CNTN5: variants seen among roughly 807,000 people sequenced by gnomAD.
CNTN5 encodes the protein contactin 5.
In CNTN5, 77 loss-of-function variants were observed where a neutral mutation model predicts 129.1. The ratio of observed to expected loss-of-function variants is 0.60; its 90% CI spans 0.50 to 0.72. The LOEUF (loss-of-function observed/expected upper bound fraction) is 0.72. CNTN5 is among the 30% of genes least tolerant of loss of function. The probability of loss-of-function intolerance (pLI) is 0.00; values close to 1 mark genes in which losing one functional copy is unlikely to be tolerated. For missense variants in CNTN5, 1,478 were observed against 1,328.8 expected (o/e 1.11, Z -1.75); for synonymous variants, 509 against 465.6 (o/e 1.09, Z -1.20).
At chr11:99,729,361 T>C (rs895798487) in intron 3 of CNTN5, among the ~76,000 whole-genome samples, 7 of 152,158 alleles carry the variant, frequency 4.6e-5, no homozygotes, top group African/African-American at 1.4e-4. Context: ...GGTAAACTCA[T>C]GTCACGGGGG....
At chr11:99,974,779 A>G (rs905196107) in intron 8 of CNTN5, among the ~76,000 whole-genome samples, 2 of 152,234 alleles carry the variant, frequency 1.3e-5, no homozygotes, top group African/African-American at 4.8e-5. Flanking sequence ...CTTAATAATT[A>G]GTAGAGTCTA....
At chr11:99,299,101 C>T (rs1323464398) in intron 1 of CNTN5, among the ~76,000 whole-genome samples, 4 of 151,954 alleles carry the variant, frequency 2.6e-5, no homozygotes, top group African/African-American at 9.7e-5. Flanking sequence ...TTCACATTTT[C>T]GATAACAACA....
intron 3 of CNTN5, among the ~76,000 whole-genome samples, chr11:99,778,787 A>G (rs1945213124): frequency 6.6e-6 from 1 of 151,920 alleles, no homozygotes. Flanking sequence ...AGTGAGTTCA[A>G]AAACTATATC....
intron 13 of CNTN5, among the ~76,000 whole-genome samples, chr11:100,137,407 T>C (rs1477966685): frequency 6.6e-6 from 1 of 152,130 alleles, no homozygotes; most frequent in Non-Finnish European, 1.5e-5. Flanking sequence ...GAACACTAGC[T>C]ATGGGCCAGG....
At chr11:99,217,280 G>T (rs1356532377) in intron 1 of CNTN5, among the ~76,000 whole-genome samples, 1 of 150,978 alleles carries the variant, frequency 6.6e-6, no homozygotes, top group Admixed American at 6.6e-5. Flanking sequence ...TCTGTCTTAA[G>T]ACATTTATCA....
At chr11:99,964,950 A>T (rs1384870126) in intron 8 of CNTN5, among the ~76,000 whole-genome samples, 3 of 152,128 alleles carry the variant, frequency 2.0e-5, no homozygotes, top group Admixed American at 6.6e-5. Flanking sequence ...ATTTGCGTAG[A>T]GATGTTTACA....
intron 1 of CNTN5, among the ~76,000 whole-genome samples, chr11:99,035,614 A>G (rs938260867): frequency 8.7e-5 from 13 of 148,880 alleles, no homozygotes; most frequent in Non-Finnish European, 1.2e-4. Context: ...TTTGTTTTCC[A>G]TTTGCTTGGT....
chr11:99,065,534 G>T (rs1865065469), intron 1 of CNTN5, among the ~76,000 whole-genome samples: 1 of 152,066 alleles, frequency 6.6e-6, no homozygotes, highest in Admixed American at 6.6e-5. Flanking sequence ...TGCAATAAAA[G>T]GAAATGAATT....
chr11:99,570,943 T>C (rs1425470623), intron 3 of CNTN5, among the ~76,000 whole-genome samples: 2 of 151,918 alleles, frequency 1.3e-5, no homozygotes, highest in South Asian at 4.1e-4. Flanking sequence ...GAAAGACAAA[T>C]GTCAAAACCC....
At chr11:99,076,593 G>A (rs985678175) in intron 1 of CNTN5, among the ~76,000 whole-genome samples, 3 of 151,952 alleles carry the variant, frequency 2.0e-5, no homozygotes, top group Non-Finnish European at 4.4e-5. Flanking sequence ...AAGCACTGAA[G>A]CTTTTTAAAA....
intron 2 of CNTN5, among the ~76,000 whole-genome samples, chr11:99,415,471 C>T (rs1249080727): frequency 1.3e-5 from 2 of 152,128 alleles, no homozygotes; most frequent in African/African-American, 4.8e-5. Flanking sequence ...GGTCTTATAA[C>T]CTATACCAGG....
intron 13 of CNTN5, among the ~76,000 whole-genome samples, chr11:100,079,090 T>C (rs1944259694): frequency 6.6e-6 from 1 of 152,114 alleles, no homozygotes; most frequent in African/African-American, 2.4e-5. Flanking sequence ...ACTCATTCCC[T>C]ATCACGAGAA....
chr11:100,109,242 A>G (rs1945562836), intron 13 of CNTN5, among the ~76,000 whole-genome samples: 1 of 152,172 alleles, frequency 6.6e-6, no homozygotes, highest in Non-Finnish European at 1.5e-5. Flanking sequence ...CCTGGCCAAC[A>G]TGGCGAAACC....
At chr11:99,906,077 G>C (rs1025959649) in intron 6 of CNTN5, among the ~76,000 whole-genome samples, 1 of 152,124 alleles carries the variant, frequency 6.6e-6, no homozygotes, top group Admixed American at 6.6e-5. Flanking sequence ...CGTGTCTCCT[G>C]CAAACAGAGA....
chr11:99,042,729 C>G (rs1022925883), intron 1 of CNTN5, among the ~76,000 whole-genome samples: 5 of 152,092 alleles, frequency 3.3e-5, no homozygotes, highest in Admixed American at 2.0e-4. Flanking sequence ...ATTTAGCAAG[C>G]AGTACAATGC....
At chr11:99,796,075 A>G (rs766066255) in intron 3 of CNTN5, among the ~76,000 whole-genome samples, 9 of 152,032 alleles carry the variant, frequency 5.9e-5, no homozygotes, top group Admixed American at 2.0e-4. Context: ...TGGCAATGCA[A>G]TGTGGGTGGG....
At chr11:99,709,150 C>G (rs1954869363) in intron 3 of CNTN5, among the ~76,000 whole-genome samples, 1 of 151,862 alleles carries the variant, frequency 6.6e-6, no homozygotes, top group Non-Finnish European at 1.5e-5. Context: ...CTACAACATT[C>G]TGAGCTACTT....
intron 2 of CNTN5, among the ~76,000 whole-genome samples, chr11:99,503,909 G>A (rs150244601): frequency 6.6e-6 from 1 of 152,122 alleles, no homozygotes; most frequent in East Asian, 1.9e-4. Context: ...AAATTAGCAA[G>A]ATACATCGTT....
intron 8 of CNTN5, among the ~76,000 whole-genome samples, chr11:99,999,225 T>G (rs1191164921): frequency 6.6e-6 from 1 of 151,858 alleles, no homozygotes; most frequent in Admixed American, 6.6e-5. Flanking sequence ...AGGCAACCAA[T>G]AAAATGGGAG....
Sources: allele counts gnomAD v4.1 joint callset (sites outside exome capture counted in the v4.1 genomes callset), GRCh38; gene constraint gnomAD v4.1.1; transcripts MANE v1.5; gene names NCBI Gene and HGNC (gene_info 2026-07-23, HGNC 2026-07-21).